Variants in ZNF366 observed in about 807,000 individuals in gnomAD.
ZNF366 encodes the protein zinc finger protein 366, also known as dendritic cell-specific transcript protein.
ZNF366 carries 20 observed loss-of-function variants against 47.2 expected under a neutral mutation model. That is an observed-to-expected ratio of 0.42 (90% confidence interval 0.30 to 0.62). The LOEUF (loss-of-function observed/expected upper bound fraction) is 0.62, where lower values mean the gene tolerates loss of function less well. ZNF366 is among the 20% of genes least tolerant of loss of function. The probability of loss-of-function intolerance (pLI) is 0.16; values close to 1 mark genes in which losing one functional copy is unlikely to be tolerated. For missense variants in ZNF366, 987 were observed against 976.3 expected, an observed-to-expected ratio of 1.01 and a Z score of -0.15; for synonymous variants, 421 against 395.1, an observed-to-expected ratio of 1.07 and a Z score of -0.78.
At chr5:72,481,874 G>A (rs1743795500) in intron 1 of ZNF366, among the ~76,000 whole-genome samples, 1 of 152,176 alleles carries the variant, frequency 6.6e-6, no homozygotes, top group African/African-American at 2.4e-5. Context: ...CTGAGGTGAA[G>A]AGAATTAATT....
At chr5:72,456,650 C>T (rs2112324210) in intron 2 of ZNF366, 55 bp from the exon 3 acceptor site, 1 of 1,504,592 alleles carries the variant, frequency 6.6e-7, no homozygotes, top group African/African-American at 1.4e-5. Context: ...ATGCTTTCAT[C>T]AGGATCATAG....
intron 1 of ZNF366, among the ~76,000 whole-genome samples, chr5:72,493,102 G>C (rs1744043196): frequency 6.6e-6 from 1 of 152,154 alleles, no homozygotes; most frequent in Non-Finnish European, 1.5e-5. Context: ...AATGTAACTA[G>C]AAAATTATAT....
chr5:72,452,561 C>T lies in ZNF366; in HGVS notation c.1524+3843G>A, dbSNP rs141093919. 3.3e-5 allele frequency among the ~76,000 whole-genome samples: 5 copies of T among 152,274 alleles called. No homozygotes were observed. The East Asian group carries it at 5.8e-4, about 18-fold the overall frequency. ...CCATCTGGTTTCTTCCTTCCTGGAG[C>T]GTCAAAGAAAGTGAGGGGAAAATGG... On this transcript the variant is annotated intron_variant, in intron 3 of 4. Transcript: ENST00000318442.
chr5:72,475,877 C>T (rs1005151790), intron 1 of ZNF366, among the ~76,000 whole-genome samples: 10 of 152,094 alleles, frequency 6.6e-5, no homozygotes, highest in Non-Finnish European at 5.9e-5. Flanking sequence ...TCGGGGAACA[C>T]GGTGACACCA....
chr5:72,473,735 G>C (rs1336309186), intron 1 of ZNF366, among the ~76,000 whole-genome samples: 1 of 152,122 alleles, frequency 6.6e-6, no homozygotes, highest in African/African-American at 2.4e-5. Flanking sequence ...TGATCCCCGG[G>C]TTAAATGTAT....
intron 1 of ZNF366, among the ~76,000 whole-genome samples, chr5:72,472,246 C>T (rs1299981176): frequency 6.6e-6 from 1 of 152,156 alleles, no homozygotes; most frequent in Non-Finnish European, 1.5e-5. Flanking sequence ...TTAGGAGCTA[C>T]TAGAGGAATA....
At chr5:72,504,055 G>GCATGCACA (rs1744268674) in intron 1 of ZNF366, among the ~76,000 whole-genome samples, 1 of 151,396 alleles carries the variant, frequency 6.6e-6, no homozygotes, top group Non-Finnish European at 1.5e-5. Context: ...ATGCACACAC[G>GCATGCACA]CACGCACACA....
intron 3 of ZNF366, among the ~76,000 whole-genome samples, chr5:72,449,943 A>G (rs1743032039): frequency 6.6e-6 from 1 of 152,198 alleles, no homozygotes; most frequent in Non-Finnish European, 1.5e-5. Flanking sequence ...TAGTCCAGGC[A>G]TGAACGGGGT....
At chr5:72,492,918 A>T (rs960805775) in intron 1 of ZNF366, among the ~76,000 whole-genome samples, 1 of 152,178 alleles carries the variant, frequency 6.6e-6, no homozygotes, top group African/African-American at 2.4e-5. Flanking sequence ...TGATCCCTTA[A>T]ATGCATGTTG....
intron 1 of ZNF366, among the ~76,000 whole-genome samples, chr5:72,503,406 G>A (rs769467520): frequency 1.3e-5 from 2 of 152,016 alleles, no homozygotes; most frequent in South Asian, 4.1e-4. Context: ...AGAAGAAGAC[G>A]GAGCAAGACA....
At chr5:72,446,706 C>T (rs187405764) in intron 4 of ZNF366, among the ~76,000 whole-genome samples, 9 of 152,322 alleles carry the variant, frequency 5.9e-5, no homozygotes, top group Non-Finnish European at 1.3e-4. Flanking sequence ...AAGACCTAGC[C>T]TGCTACCAAC....
At chr5:72,456,747 A>G in intron 2 of ZNF366, 152 bp from the exon 3 acceptor site, 1 of 752,082 alleles carries the variant, frequency 1.3e-6, no homozygotes, top group Non-Finnish European at 1.9e-6. Flanking sequence ...AGCCTTGTTA[A>G]ATTACTATTT....
At chr5:72,471,745 G>A (rs564238468) in intron 1 of ZNF366, among the ~76,000 whole-genome samples, 6 of 152,314 alleles carry the variant, frequency 3.9e-5, no homozygotes, top group African/African-American at 1.4e-4. Context: ...CTTTCAAACA[G>A]CAAACACTCA....
intron 1 of ZNF366, among the ~76,000 whole-genome samples, chr5:72,482,025 C>T (rs1478461329): frequency 6.6e-6 from 1 of 152,156 alleles, no homozygotes; most frequent in Non-Finnish European, 1.5e-5. Flanking sequence ...TATATTCCTT[C>T]TTACTGGATG....
chr5:72,492,190 G>T (rs932676982), intron 1 of ZNF366, among the ~76,000 whole-genome samples: 6 of 152,196 alleles, frequency 3.9e-5, no homozygotes, highest in Admixed American at 1.3e-4. Flanking sequence ...TGATCCCAGT[G>T]GGTAGACATG....
At chr5:72,444,449 G>T (rs188180500) in intron 4 of ZNF366, among the ~76,000 whole-genome samples, 158 bp from the exon 5 acceptor site, 8 of 152,344 alleles carry the variant, frequency 5.3e-5, no homozygotes, top group African/African-American at 1.9e-4. Context: ...GCTTGTAACA[G>T]ACAGTGTCCA....
intron 4 of ZNF366, among the ~76,000 whole-genome samples, chr5:72,444,608 T>C (rs886194058): frequency 1.6e-4 from 22 of 138,510 alleles, no homozygotes; most frequent in Middle Eastern, 3.6e-3. Context: ...CATATCACCA[T>C]ATTTTTTTTT....
rs141930248 is a variant in ZNF366, at chr5:72,505,112, G to A, written c.-15+2139C>T. 9.7e-3 allele frequency among the ~76,000 whole-genome samples: 1,473 copies of A among 152,212 alleles called. 21 individuals are homozygous for A. Among genetic ancestry groups the A allele is most frequent in the Middle Eastern group, 0.051 (15 of 294 alleles). ...GTGTACAGTTTTGGCAGAAATTAAC[G>A]AATAAAATACTGTGTGTCTCAAATT... On this transcript the variant is annotated intron_variant, in intron 1 of 4. Transcript: ENST00000318442.
chr5:72,448,917 G>T (rs1325677001), intron 3 of ZNF366, among the ~76,000 whole-genome samples: 2 of 152,134 alleles, frequency 1.3e-5, no homozygotes, highest in Non-Finnish European at 2.9e-5. Flanking sequence ...TTTGAGAATT[G>T]TAAGTACTTT....
Sources: allele counts gnomAD v4.1 joint callset (sites outside exome capture counted in the v4.1 genomes callset), GRCh38; gene constraint gnomAD v4.1.1; transcripts MANE v1.5; gene names NCBI Gene and HGNC (gene_info 2026-07-23, HGNC 2026-07-21).